Variants in TELO2 observed in about 807,000 individuals in gnomAD.
TELO2 encodes the protein telomere length regulation protein TEL2 homolog.
TELO2 carries 71 observed loss-of-function variants against 91.0 expected under a neutral mutation model. The ratio of observed to expected loss-of-function variants is 0.78; its 90% CI spans 0.64 to 0.95. The LOEUF is 0.95. Ranked by LOEUF, TELO2 falls within the 40% of genes least tolerant of loss-of-function variation. The pLI is 0.00. For synonymous variants in TELO2, 584 were observed against 518.9 expected (o/e 1.13, Z -1.71); for missense variants, 1,183 against 1,141.3 (o/e 1.04, Z -0.53).
Position 1,498,671 on chromosome 16 carries a change from G to A in TELO2, c.831-560G>A, listed in dbSNP as rs190887611. The stretch of plus-strand genomic sequence containing the variant: ...GCTGGTCTCAAACTCCTGGCCTTAA[G>A]TGATCCTCCTGCCTTGGCCTCCCAA... On this transcript the variant is annotated intron_variant, in intron 5 of 20. Coordinates refer to ENST00000262319, the MANE Select transcript of TELO2 (RefSeq NM_016111.4). Among the ~76,000 whole-genome samples the A allele has an allele frequency of 5.9e-5, 9 of 152,272 alleles. No individual in the cohort carries two copies. The East Asian group carries it at 1.5e-3, about 26-fold the overall frequency.
rs1483612698 is a variant in TELO2 at position 1,501,718 on chromosome 16, G to A, written c.1417G>A (p.Val473Met). The change falls in exon 11 of 21, where the codon GTG becomes ATG. Residue 473 changes from valine (V) to methionine (M), a missense_variant. Transcript: ENST00000262319. ...EPPAETPAEI[V>M]DGGVPQAQLA... ...CCCTGCAGAGACCCCCGCAGAGATC[G>A]TGGATGGCGGCGTCCCCCAAGCACA... 5.6e-6 allele frequency: 9 copies of A among 1,612,420 alleles called. No individual in the cohort carries two copies. The highest frequency in any genetic ancestry group is 2.2e-5 in the South Asian group (2 of 91,050).
At position 1,507,612 on chromosome 16, in the gene TELO2, AG is replaced by A; in HGVS notation, c.2307del (p.Leu770CysfsTer21). 6.3e-7 allele frequency: 1 copy of A among 1,592,402 alleles called. No homozygotes were observed. ...LRFHIDAYVRQGLLSAVSSVL... is the reference protein window; with the variant it reads ...LRFHIDAYVRXGLLSAVSSVL... ...CTTCTTGCCGGCAGCTACGTGCGCC[AG>A]GGGCTGTTGTCGGCCGTCTCCTCCG... On this transcript the variant is annotated frameshift_variant, in exon 20 of 21. Coordinates refer to ENST00000262319, the MANE Select transcript of TELO2 (RefSeq NM_016111.4). LOFTEE classifies it high-confidence loss of function.
intron 16 of TELO2, 72 bp from the exon 17 acceptor site, chr16:1,506,166 C>A: frequency 6.5e-7 from 1 of 1,538,332 alleles, no homozygotes; most frequent in East Asian, 2.3e-5. Context: ...TTGTGGGATC[C>A]TCTCGGGCTA....
chr16:1,506,887 C>T (rs760544305), intron 17 of TELO2, 65 bp from the exon 18 acceptor site: 13 of 1,506,100 alleles, frequency 8.6e-6, no homozygotes, highest in Admixed American at 2.1e-5. Flanking sequence ...CCCACGGTGG[C>T]CCAGGAGGTT....
In TELO2 at chr16:1,505,135, T is replaced by A. The variant is rs2039842534; in HGVS notation, c.1843-275T>A. ...GGGATAAGGGCATGTGGCTCTGGCGTGGCGGGACTGCGTGGCTTTAGGATG... is the reference window on the plus strand; with the variant it reads ...GGGATAAGGGCATGTGGCTCTGGCGAGGCGGGACTGCGTGGCTTTAGGATG... On this transcript the variant is annotated intron_variant, in intron 15 of 20. Coordinates refer to ENST00000262319, the MANE Select transcript of TELO2 (RefSeq NM_016111.4). This position sits in a 1 kb window ranked among gnomAD's most constrained non-coding sequence, Gnocchi z 4.3. The A allele has an allele frequency of 4.7e-6, 2 of 426,874 alleles. No individual in the cohort carries two copies. The highest frequency in any genetic ancestry group is 8.5e-6 in the Non-Finnish European group (2 of 235,792). 26.4% of individuals were successfully genotyped at this position (426,874 alleles called of 1,614,324 possible). A position where few individuals can be genotyped will look rare whatever the true frequency, so the allele number is the denominator to read the frequency against.
At position 1,494,358 on chromosome 16, in the gene TELO2, G is replaced by T. The variant is rs1254473297; in HGVS notation, c.77G>T (p.Gly26Val). The T allele has an allele frequency of 6.8e-6, 11 of 1,613,480 alleles. No homozygotes were observed. Among genetic ancestry groups the T allele is most frequent in the Admixed American group, 3.3e-5 (2 of 60,004 alleles). The change falls in exon 2 of 21, where the codon GGC (glycine) becomes GTC (valine). Residue 26 changes from glycine (G) to valine (V), a missense_variant. Coordinates refer to ENST00000262319, the MANE Select transcript of TELO2 (RefSeq NM_016111.4). This position sits in a 1 kb window ranked among gnomAD's most constrained non-coding sequence, Gnocchi z 5.6. ...GCCCTCTCGTCTTCGGAGGATGGCG[G>T]CCACATCTTCTGCACCCTGGAGTCC... is the stretch of plus-strand genomic sequence containing the variant. ...IHALSSSEDGGHIFCTLESLK... is the reference protein window; with the variant it reads ...IHALSSSEDGVHIFCTLESLK...
At chr16:1,502,240 G>C in intron 12 of TELO2, 73 bp from the exon 13 acceptor site, 7 of 1,565,790 alleles carry the variant, frequency 4.5e-6, no homozygotes, top group Non-Finnish European at 5.2e-6. Flanking sequence ...CCGGGGTGCC[G>C]CCCGTGCTGC....
intron 20 of TELO2, among the ~76,000 whole-genome samples, 173 bp downstream of exon 20, chr16:1,507,889 T>A (rs1329523359): frequency 3.9e-5 from 3 of 77,228 alleles, no homozygotes; most frequent in South Asian, 4.4e-4. Context: ...TGTGTGTGTG[T>A]GTGTGATGTG....
At position 1,507,257 on chromosome 16, in the gene TELO2, G is replaced by C. The variant is rs368164346; in HGVS notation, c.2227-49G>C. The C allele has an allele frequency of 5.0e-6, 8 of 1,596,420 alleles. No individual in the cohort carries two copies. The African/African-American group carries it at 9.4e-5, about 19-fold the overall frequency. ...GGAAGCCGCCCATGGGTGCTGGGATGTGGGGACGGCGTCGGGACCCCACTG... is the reference window on the plus strand; with the variant it reads ...GGAAGCCGCCCATGGGTGCTGGGATCTGGGGACGGCGTCGGGACCCCACTG... On this transcript the variant is annotated intron_variant, in intron 18 of 20. Transcript: ENST00000262319.
At chr16:1,509,622 A>C (rs2040055202) in intron 20 of TELO2, among the ~76,000 whole-genome samples, 1 of 152,210 alleles carries the variant, frequency 6.6e-6, no homozygotes, top group South Asian at 2.1e-4. Context: ...GGCTCAGGGC[A>C]GCCCTCCATG....
At position 1,494,725 on chromosome 16, in the gene TELO2, A is replaced by G; in HGVS notation, c.335+109A>G. ...CTAGTCCCTGTGAGGGGCTAGAGAGAGAGCCTGCTCCTGGCTGAACCCCTG... is the reference window on the plus strand; with the variant it reads ...CTAGTCCCTGTGAGGGGCTAGAGAGGGAGCCTGCTCCTGGCTGAACCCCTG... On this transcript the variant is annotated intron_variant, in intron 2 of 20. Coordinates refer to ENST00000262319, the MANE Select transcript of TELO2 (RefSeq NM_016111.4). This position sits in a 1 kb window ranked among gnomAD's most constrained non-coding sequence, Gnocchi z 5.6. The G allele has an allele frequency of 8.3e-7, 1 of 1,201,460 alleles. No homozygotes were observed. The highest frequency in any genetic ancestry group is 2.8e-5 in the Admixed American group (1 of 35,364). 74.4% of individuals were successfully genotyped at this position (1,201,460 alleles called of 1,614,324 possible).
intron 12 of TELO2, 51 bp downstream of exon 12, chr16:1,502,186 C>T: frequency 6.2e-7 from 1 of 1,606,466 alleles, no homozygotes; most frequent in Non-Finnish European, 8.5e-7. Flanking sequence ...GGGTCCCGCT[C>T]ACAGCCTGGT....
intron 6 of TELO2, 141 bp downstream of exon 6, chr16:1,499,474 G>A (rs977020548): frequency 8.3e-6 from 7 of 844,232 alleles, no homozygotes; most frequent in East Asian, 2.6e-5. Flanking sequence ...TTGGCGAGGC[G>A]GTGGGTGCCT....
chr16:1,502,262 G>A (rs1327381232), intron 12 of TELO2, 51 bp from the exon 13 acceptor site: 1 of 1,567,528 alleles, frequency 6.4e-7, no homozygotes, highest in Admixed American at 1.9e-5. Flanking sequence ...GGCTCTCATG[G>A]GTTCAGGGTC....
rs766976069 is a variant in TELO2 at position 1,502,925 on chromosome 16, C to T, written c.1771-6C>T. On this transcript the variant is annotated splice_region_variant and splice_polypyrimidine_tract_variant and intron_variant, in intron 14 of 20. Transcript: ENST00000262319. ...GACCACAGCAGCCTCTCCCCTGTGT[C>T]CTCAGGTGGCCGACTATCTGACCTC... is the stretch of plus-strand genomic sequence containing the variant. 4 of 1,610,552 alleles carry T rather than the reference C, an allele frequency of 2.5e-6. No individual in the cohort carries two copies. Among genetic ancestry groups the T allele is most frequent in the Non-Finnish European group, 3.4e-6 (4 of 1,180,006 alleles).
intron 11 of TELO2, 97 bp downstream of exon 11, chr16:1,501,870 C>A: frequency 6.9e-7 from 1 of 1,450,622 alleles, no homozygotes; most frequent in Non-Finnish European, 9.5e-7. Flanking sequence ...TCCCTGCCTG[C>A]TCCGTGCTTC....
In TELO2 at chr16:1,495,005, A is replaced by G. The variant is rs114915778; in HGVS notation, c.336-341A>G. On this transcript the variant is annotated intron_variant, in intron 2 of 20. Transcript: ENST00000262319. Reference sequence around the variant, plus strand: ...GCTCCCAGGCTCAGCCTCAGATCACACTGCAGTCCTTGCCGGGACACTGCA... The same window carrying G: ...GCTCCCAGGCTCAGCCTCAGATCACGCTGCAGTCCTTGCCGGGACACTGCA... Among the ~76,000 whole-genome samples the G allele has an allele frequency of 1.6e-3, 241 of 152,284 alleles. 4 individuals are homozygous for G. The highest frequency in any genetic ancestry group is 5.4e-3 in the African/African-American group (226 of 41,556).
intron 14 of TELO2, 23 bp from the exon 15 acceptor site, chr16:1,502,908 C>T (rs762625811): frequency 1.6e-5 from 25 of 1,609,376 alleles, no homozygotes; most frequent in Non-Finnish European, 1.9e-5. Flanking sequence ...CGGACCACAG[C>T]AGCCTCTCCC....
chr16:1,497,582 G>A lies in TELO2; in HGVS notation c.830+74G>A, dbSNP rs1006651385. ...CCCCCAGAGGCTGCCATTCCTTCAC[G>A]CTACTTCTCCTGGGCGCCGTGCTGC... On this transcript the variant is annotated intron_variant, in intron 5 of 20. Coordinates refer to ENST00000262319, the MANE Select transcript of TELO2 (RefSeq NM_016111.4). This position sits in a 1 kb window ranked among gnomAD's most constrained non-coding sequence, Gnocchi z 4.0. 3.4e-6 allele frequency: 5 copies of A among 1,477,094 alleles called. No homozygotes were observed. The African/African-American group carries it at 5.6e-5, about 17-fold the overall frequency. The allele number at this position is 1,477,094 out of a possible 1,614,324, so 91.5% of individuals were successfully genotyped here.
Sources: allele counts gnomAD v4.1 joint callset (sites outside exome capture counted in the v4.1 genomes callset), GRCh38; gene constraint gnomAD v4.1.1; non-coding constraint Gnocchi (gnomAD v3.1); transcripts MANE v1.5; gene names NCBI Gene and HGNC (gene_info 2026-07-23, HGNC 2026-07-21).